Variants in CCDC88A observed in about 807,000 individuals in gnomAD.
CCDC88A encodes girdin.
CCDC88A carries 54 observed loss-of-function variants against 234.3 expected under a neutral mutation model. That is an observed-to-expected ratio of 0.23 (90% confidence interval 0.19 to 0.29). CCDC88A has a LOEUF of 0.29. Ranked by LOEUF, CCDC88A falls within the 10% of genes least tolerant of loss-of-function variation. The probability of loss-of-function intolerance (pLI) is 1.00; values close to 1 mark genes in which losing one functional copy is unlikely to be tolerated. For missense variants in CCDC88A, 1,832 were observed against 2,123.4 expected (o/e 0.86, Z 2.70); for synonymous variants, 753 against 737.8 (o/e 1.02, Z -0.33).
chr2:55,328,487 T>G lies in CCDC88A; in HGVS notation c.2856-52A>C, dbSNP rs1684521239. 2.3e-6 allele frequency: 3 copies of G among 1,308,600 alleles called. No homozygotes were observed. In the East Asian group the frequency reaches 7.8e-5, roughly 34 times the overall value. 81.1% of individuals were successfully genotyped at this position (1,308,600 alleles called of 1,614,324 possible). On this transcript the variant is annotated intron_variant, in intron 16 of 32. Transcript: ENST00000436346. The surrounding 1 kb of genome is among the most constrained non-coding windows in gnomAD (Gnocchi z 4.3). The stretch of plus-strand genomic sequence containing the variant: ...CATTATTGGAGGTCAGAAAATTATT[T>G]TTAAAGATAATTTATGACCACAAAT...
At chr2:55,376,112 T>C (rs1673626230) in intron 3 of CCDC88A, among the ~76,000 whole-genome samples, 1 of 152,182 alleles carries the variant, frequency 6.6e-6, no homozygotes, top group Non-Finnish European at 1.5e-5. Flanking sequence ...ATGCACCTTC[T>C]GTTTATACCA....
intron 9 of CCDC88A, among the ~76,000 whole-genome samples, chr2:55,346,567 C>T (rs1025146050): frequency 6.6e-6 from 1 of 151,888 alleles, no homozygotes; most frequent in Non-Finnish European, 1.5e-5. Context: ...TTAAAAGCTC[C>T]CCCCACCATG....
At chr2:55,411,388 T>A (rs142829559) in intron 2 of CCDC88A, among the ~76,000 whole-genome samples, 16 of 152,314 alleles carry the variant, frequency 1.1e-4, no homozygotes, top group African/African-American at 3.6e-4. Context: ...TCATCATTTC[T>A]GTAGTTTAAC....
At chr2:55,393,842 C>T (rs919872915) in intron 2 of CCDC88A, among the ~76,000 whole-genome samples, 1 of 152,162 alleles carries the variant, frequency 6.6e-6, no homozygotes. Context: ...TAATGTTTCA[C>T]CATTAATGCA....
intron 2 of CCDC88A, among the ~76,000 whole-genome samples, chr2:55,393,943 C>T (rs1343196399): frequency 6.6e-6 from 1 of 152,008 alleles, no homozygotes; most frequent in Non-Finnish European, 1.5e-5. Flanking sequence ...GAACTTTACC[C>T]AGTATTATTT....
chr2:55,417,396 T>G (rs1305640181), intron 2 of CCDC88A: 2 of 152,002 alleles, frequency 1.3e-5, no homozygotes, highest in African/African-American at 4.8e-5. Flanking sequence ...TTCTGTCATG[T>G]AGGTTCCCCA....
At chr2:55,391,594 C>T (rs1007541538) in intron 2 of CCDC88A, among the ~76,000 whole-genome samples, 3 of 152,112 alleles carry the variant, frequency 2.0e-5, no homozygotes, top group Non-Finnish European at 4.4e-5. Flanking sequence ...TCAAATGGGA[C>T]TTCTGAAGCT....
chr2:55,379,142 A>T (rs1558776067), intron 3 of CCDC88A, among the ~76,000 whole-genome samples: 1 of 152,206 alleles, frequency 6.6e-6, no homozygotes, highest in Non-Finnish European at 1.5e-5. Flanking sequence ...AAGAGAGTAG[A>T]TGCTTAAAAA....
intron 2 of CCDC88A, among the ~76,000 whole-genome samples, chr2:55,397,895 T>G (rs1677890192): frequency 6.6e-6 from 1 of 152,106 alleles, no homozygotes; most frequent in Non-Finnish European, 1.5e-5. Context: ...TTATATTAAG[T>G]TTTTTTAGAC....
At chr2:55,367,528 G>GTTTTTTTTTTTTTTTTGTTTTT in intron 5 of CCDC88A, among the ~76,000 whole-genome samples, 1 of 99,890 alleles carries the variant, frequency 1.0e-5, no homozygotes, top group Non-Finnish European at 2.0e-5. Context: ...TTATTTCCTT[G>GTTTTTTTTTTTTTTTTGTTTTT]TTTTTTTTTA....
chr2:55,403,477 G>A (rs969006447), intron 2 of CCDC88A: 17 of 152,166 alleles, frequency 1.1e-4, no homozygotes, highest in African/African-American at 3.6e-4. Context: ...AGTGTGTAAC[G>A]AGAAGAATAC....
chr2:55,321,328 G>A (rs1460311116), intron 18 of CCDC88A, among the ~76,000 whole-genome samples: 3 of 151,982 alleles, frequency 2.0e-5, no homozygotes, highest in Non-Finnish European at 2.9e-5. Context: ...CAAGGTGGGC[G>A]GATCATGAGG....
At position 55,328,741 on chromosome 2, in the gene CCDC88A, C is replaced by G. The variant is rs1684554267; in HGVS notation, c.2856-306G>C. 5.6e-6 allele frequency: 1 copy of G among 179,060 alleles called. No homozygotes were observed. The highest frequency in any genetic ancestry group is 6.6e-5 in the Admixed American group (1 of 15,194). 11.1% of individuals were successfully genotyped at this position (179,060 alleles called of 1,614,324 possible). A position where few individuals can be genotyped will look rare whatever the true frequency, so the allele number is the denominator to read the frequency against. On this transcript the variant is annotated intron_variant, in intron 16 of 32. Coordinates refer to ENST00000436346, the MANE Select transcript of CCDC88A (RefSeq NM_001365480.1). The surrounding 1 kb of genome is among the most constrained non-coding windows in gnomAD (Gnocchi z 4.3). ...AAAATATCCTTTTTATTAATGAAGA[C>G]TCCTTTGTTTTGTTTTGTTTTGTTT...
Position 55,388,798 on chromosome 2 carries a change from G to A in CCDC88A, c.253C>T (p.Gln85Ter). Residue 85 changes from glutamine (Q) to a stop codon, truncating the protein, a stop_gained, in exon 3 of 33, where the codon CAG becomes TAG. Transcript: ENST00000436346. LOFTEE classifies it high-confidence loss of function. ...CTTACCTGGTAATAAAATTTTATCT[G>A]TCTCACCAAAATGGATAGATTGTGC... ...RMHNLSILVR[Q>*]IKFYYQETLQ... The A allele has an allele frequency of 6.8e-7, 1 of 1,475,472 alleles. No homozygotes were observed. Among genetic ancestry groups the A allele is most frequent in the Non-Finnish European group, 9.3e-7 (1 of 1,074,104 alleles). 91.4% of individuals were successfully genotyped at this position (1,475,472 alleles called of 1,614,324 possible). A position where few individuals can be genotyped will look rare whatever the true frequency, so the allele number is the denominator to read the frequency against.
At chr2:55,378,168 T>C (rs1674014017) in intron 3 of CCDC88A, among the ~76,000 whole-genome samples, 1 of 152,198 alleles carries the variant, frequency 6.6e-6, no homozygotes, top group African/African-American at 2.4e-5. Context: ...TCCTCCACCT[T>C]CTTCCTCAGC....
chr2:55,320,095 T>C (rs1251748659), intron 18 of CCDC88A, among the ~76,000 whole-genome samples: 1 of 152,174 alleles, frequency 6.6e-6, no homozygotes, highest in Non-Finnish European at 1.5e-5. Context: ...TATGATTTTA[T>C]ACTTCTCTTT....
intron 2 of CCDC88A, among the ~76,000 whole-genome samples, chr2:55,409,842 G>C (rs1262477154): frequency 6.7e-6 from 1 of 148,348 alleles, no homozygotes; most frequent in Non-Finnish European, 1.5e-5. Flanking sequence ...CCAGCTTCAA[G>C]TGATTCTCCT....
intron 2 of CCDC88A, chr2:55,394,319 T>C (rs1475218309): frequency 6.6e-6 from 1 of 152,192 alleles, no homozygotes; most frequent in Non-Finnish European, 1.5e-5. Flanking sequence ...ATTTTCTTAA[T>C]CCAGTCTATC....
Position 55,299,819 on chromosome 2 carries a change from T to C in CCDC88A, c.4825+20A>G. On this transcript the variant is annotated intron_variant, in intron 29 of 32. Coordinates refer to ENST00000436346, the MANE Select transcript of CCDC88A (RefSeq NM_001365480.1). ...ACTGGAAATGGATAGAGCGCATTAA[T>C]AAATTTACCTACAGCATACCTTTGA... The C allele has an allele frequency of 6.5e-7, 1 of 1,546,338 alleles. No individual in the cohort carries two copies. The highest frequency in any genetic ancestry group is 8.9e-7 in the Non-Finnish European group (1 of 1,119,430).
Sources: allele counts gnomAD v4.1 joint callset (sites outside exome capture counted in the v4.1 genomes callset), GRCh38; gene constraint gnomAD v4.1.1; non-coding constraint Gnocchi (gnomAD v3.1); transcripts MANE v1.5; gene names NCBI Gene and HGNC (gene_info 2026-07-23, HGNC 2026-07-21).